The following NUP58 variants were observed in gnomAD, a reference collection of about 807,000 sequenced individuals.
NUP58 encodes nucleoporin p58/p45.
NUP58 carries 17 observed loss-of-function variants against 70.1 expected under a neutral mutation model. The observed-to-expected ratio is 0.24, with a 90% CI of 0.17 to 0.36. NUP58 has a LOEUF of 0.36. NUP58 is among the 10% of genes least tolerant of loss of function. The pLI is 1.00. For synonymous variants in NUP58, 275 were observed against 257.6 expected (o/e 1.07, Z -0.65); for missense variants, 644 against 701.5 (o/e 0.92, Z 0.93).
intron 15 of NUP58, 26 bp from the exon 16 acceptor site, chr13:25,339,939 T>C (rs749432993): frequency 4.2e-5 from 64 of 1,537,670 alleles, no homozygotes; most frequent in Non-Finnish European, 5.2e-5. Context: ...ACTTCTGATA[T>C]GAATATTTTT....
chr13:25,325,298 G>T (rs574971290), intron 10 of NUP58, among the ~76,000 whole-genome samples: 1 of 151,972 alleles, frequency 6.6e-6, no homozygotes, highest in Non-Finnish European at 1.5e-5. Context: ...CCACTATTAC[G>T]CATTTATACT....
chr13:25,334,043 T>G, intron 13 of NUP58: 1 of 983,848 alleles, frequency 1.0e-6, no homozygotes, highest in African/African-American at 1.8e-5. Flanking sequence ...CTCCTTCAAT[T>G]TTTTTTTTAA....
intron 3 of NUP58, among the ~76,000 whole-genome samples, chr13:25,348,254 G>A (rs935782000): frequency 1.8e-4 from 28 of 152,094 alleles, no homozygotes; most frequent in Non-Finnish European, 2.9e-5. Context: ...AAATCTAAAT[G>A]CAAATTAAAT....
chr13:25,332,804 G>A, intron 13 of NUP58: 1 of 985,296 alleles, frequency 1.0e-6, no homozygotes, highest in Non-Finnish European at 1.2e-6. Context: ...AGTTATGGAG[G>A]GAAAAAGTCA....
At chr13:25,343,290 T>G (rs2032000505), downstream of NUP58, among the ~76,000 whole-genome samples, 2 of 151,592 alleles carry the variant, frequency 1.3e-5, no homozygotes, top group African/African-American at 4.8e-5. Flanking sequence ...ATTCCTGAGT[T>G]TCTTCTCTTT....
At chr13:25,312,431 G>C (rs560486274) in intron 3 of NUP58, among the ~76,000 whole-genome samples, 1 of 152,064 alleles carries the variant, frequency 6.6e-6, no homozygotes, top group Non-Finnish European at 1.5e-5. Flanking sequence ...GCAGTGGCAC[G>C]ATTTCAGCTC....
At chr13:25,327,987 T>G (rs924564617) in intron 12 of NUP58, among the ~76,000 whole-genome samples, 1 of 152,018 alleles carries the variant, frequency 6.6e-6, no homozygotes, top group Non-Finnish European at 1.5e-5. Context: ...AATCACAAAG[T>G]CAGGAGTTCA....
intron 13 of NUP58, chr13:25,335,292 C>T (rs2031741400): frequency 1.1e-5 from 11 of 985,060 alleles, no homozygotes; most frequent in Non-Finnish European, 1.3e-5. Flanking sequence ...AACAACAGAC[C>T]CACACACAAC....
intron 1 of NUP58, among the ~76,000 whole-genome samples, chr13:25,306,968 T>A (rs751071391): frequency 3.7e-4 from 56 of 152,130 alleles, no homozygotes; most frequent in Non-Finnish European, 7.1e-4. Flanking sequence ...TTTTCTATGC[T>A]TTTTTTGGTG....
intron 6 of NUP58, 45 bp downstream of exon 6, chr13:25,315,512 G>C: frequency 7.2e-7 from 1 of 1,384,108 alleles, no homozygotes; most frequent in Non-Finnish European, 1.0e-6. Context: ...GTTCTGTTGA[G>C]GGAATGTCTA....
intron 1 of NUP58, among the ~76,000 whole-genome samples, chr13:25,306,594 T>G (rs573557967): frequency 6.6e-6 from 1 of 152,088 alleles, no homozygotes; most frequent in Non-Finnish European, 1.5e-5. Flanking sequence ...CCATGGTGAT[T>G]ATTCTTTATG....
At position 25,319,355 on chromosome 13, in the gene NUP58, GT is replaced by G. The variant is rs752003319; in HGVS notation, c.710+8del. 8.1e-6 allele frequency: 13 copies of G among 1,611,856 alleles called. No homozygotes were observed. The Admixed American group carries it at 2.2e-4, about 27-fold the overall frequency. ...TAAAACGGGAACAAGACCAGAGTAA[GT>G]TTACAAATTTACCCTTAAGGCATTT... On this transcript the variant is annotated splice_donor_region_variant and intron_variant, in intron 7 of 15. Transcript: ENST00000381736.
At chr13:25,304,487 T>A (rs1174422774) in intron 1 of NUP58, among the ~76,000 whole-genome samples, 5 of 59,038 alleles carry the variant, frequency 8.5e-5, no homozygotes, top group African/African-American at 2.8e-4. Context: ...ATTATATATA[T>A]ATATATATAT....
chr13:25,343,352 T>C (rs2032002090), downstream of NUP58, among the ~76,000 whole-genome samples: 1 of 151,758 alleles, frequency 6.6e-6, no homozygotes, highest in South Asian at 2.1e-4. Context: ...ACTTTAAGTT[T>C]TAGGGTACAT....
At chr13:25,343,134 G>A (rs770790592), downstream of NUP58, among the ~76,000 whole-genome samples, 27 of 151,838 alleles carry the variant, frequency 1.8e-4, no homozygotes, top group Non-Finnish European at 2.9e-4. Flanking sequence ...AGCAGTAGGC[G>A]CTGACCCAGT....
intron 6 of NUP58, among the ~76,000 whole-genome samples, chr13:25,318,167 A>G (rs2031022936): frequency 6.6e-6 from 1 of 152,090 alleles, no homozygotes. Flanking sequence ...GTCTCTACTA[A>G]AAATGCAAAA....
At chr13:25,306,393 CAAAAAAAAAAAA>C (rs1030000370) in intron 1 of NUP58, among the ~76,000 whole-genome samples, 2 of 55,530 alleles carry the variant, frequency 3.6e-5, no homozygotes, top group Admixed American at 1.9e-4. Context: ...GACTCCGTCT[CAAAAAAAAAAAA>C]AAAAAAAAAA....
At position 25,321,082 on chromosome 13, in the gene NUP58, G is replaced by A. The variant is rs1593187563; in HGVS notation, c.940G>A (p.Glu314Lys). 3 of 1,586,074 alleles carry A rather than the reference G, an allele frequency of 1.9e-6. No homozygotes were observed. In the African/African-American group the frequency reaches 4.1e-5, roughly 22 times the overall value. The change falls in exon 9 of 16, where the codon GAA (glutamate) becomes AAA (lysine). Residue 314 changes from glutamate to lysine, a missense_variant. This residue lies in a region of NUP58 where 430 missense variants were observed against 409.2 expected (regional missense o/e 1.05). Coordinates refer to ENST00000381736, the MANE Select transcript of NUP58 (RefSeq NM_014089.4). ...NTLNIDKLKIETAQELKNAEI... is the reference protein window; with the variant it reads ...NTLNIDKLKIKTAQELKNAEI... ...TCTCAACATTGACAAATTGAAAATA[G>A]AAACTGCTCAGGTATACCAACTTAT...
chr13:25,338,631 A>G lies in NUP58; in HGVS notation c.1535-5A>G. 3 of 1,609,482 alleles carry G rather than the reference A, an allele frequency of 1.9e-6. No homozygotes were observed. Among genetic ancestry groups the G allele is most frequent in the South Asian group, 1.1e-5 (1 of 90,920 alleles). ...TTGTATATTTTTCTATTACCCTTCCACTAGGATTTGGAACTAGCTCTGGTT... is the reference window on the plus strand; with the variant it reads ...TTGTATATTTTTCTATTACCCTTCCGCTAGGATTTGGAACTAGCTCTGGTT... On this transcript the variant is annotated splice_region_variant and splice_polypyrimidine_tract_variant and intron_variant, in intron 14 of 15. Coordinates refer to ENST00000381736, the MANE Select transcript of NUP58 (RefSeq NM_014089.4).
Sources: allele counts gnomAD v4.1 joint callset (sites outside exome capture counted in the v4.1 genomes callset), GRCh38; gene constraint gnomAD v4.1.1; regional missense constraint gnomAD v4.1.1; transcripts MANE v1.5; gene names NCBI Gene and HGNC (gene_info 2026-07-23, HGNC 2026-07-21).